Variants in SNAP23 observed in about 807,000 individuals in gnomAD.
The protein encoded by SNAP23 is synaptosomal-associated protein 23.
SNAP23 carries 11 observed loss-of-function variants against 29.0 expected under a neutral mutation model. That is an observed-to-expected ratio of 0.38 (90% CI 0.24 to 0.63). SNAP23 has a LOEUF of 0.63. Among genes scored for constraint, SNAP23 ranks in the 20% least tolerant of loss-of-function variants. The pLI, the probability that SNAP23 is intolerant of heterozygous loss-of-function variation, is 0.58. For missense variants in SNAP23, 220 were observed against 253.9 expected (o/e 0.87, Z 0.91); for synonymous variants, 60 against 82.9 (o/e 0.72, Z 1.50).
chr15:42,523,212 A>G (rs1250666186), intron 5 of SNAP23, among the ~76,000 whole-genome samples: 1 of 152,002 alleles, frequency 6.6e-6, no homozygotes, highest in Non-Finnish European at 1.5e-5. Flanking sequence ...AAAGACTATT[A>G]GACCACTCAG....
chr15:42,529,932 A>G, intron 7 of SNAP23, 113 bp downstream of exon 7: 1 of 1,158,698 alleles, frequency 8.6e-7, no homozygotes, highest in Non-Finnish European at 1.2e-6. Context: ...CTGTCCTCAT[A>G]GGTCTTAATT....
chr15:42,519,510 T>C (rs1037311531), intron 5 of SNAP23, among the ~76,000 whole-genome samples: 2 of 151,774 alleles, frequency 1.3e-5, no homozygotes, highest in African/African-American at 4.8e-5. Flanking sequence ...TAGCTGGGAT[T>C]AGAGGCATGC....
intron 4 of SNAP23, among the ~76,000 whole-genome samples, chr15:42,514,888 G>GA (rs901943241): frequency 1.1e-4 from 17 of 151,858 alleles, no homozygotes; most frequent in African/African-American, 4.1e-4. Flanking sequence ...TTTTAGTAGA[G>GA]ATGGGGTTTC....
At chr15:42,503,164 G>A (rs1321634214) in intron 1 of SNAP23, among the ~76,000 whole-genome samples, 1 of 152,056 alleles carries the variant, frequency 6.6e-6, no homozygotes, top group African/African-American at 2.4e-5. Context: ...TTGTGCTTCA[G>A]TGTACTTTGA....
At chr15:42,508,494 A>G (rs147082068) in intron 1 of SNAP23, among the ~76,000 whole-genome samples, 428 of 152,232 alleles carry the variant, frequency 2.8e-3, no homozygotes, top group African/African-American at 9.7e-3. Context: ...TAGCATGCCA[A>G]ACTTGGGAGT....
chr15:42,514,980 C>T (rs968347116), intron 4 of SNAP23, among the ~76,000 whole-genome samples: 3 of 152,168 alleles, frequency 2.0e-5, no homozygotes, highest in African/African-American at 7.2e-5. Context: ...GGATCACAGG[C>T]GTGAGCCACC....
intron 3 of SNAP23, 45 bp downstream of exon 3, chr15:42,513,041 A>T: frequency 2.3e-6 from 3 of 1,333,074 alleles, no homozygotes; most frequent in Non-Finnish European, 3.2e-6. Flanking sequence ...AATTTATAGG[A>T]GCGATCCTAA....
In SNAP23 at chr15:42,528,438, G is replaced by C. The variant is rs755001142; in HGVS notation, c.425+18G>C. On this transcript the variant is annotated intron_variant, in intron 6 of 7. Transcript: ENST00000249647. ...ATTAAACGGTATGCCAACTCCTCCT[G>C]ATATTCCTGTACCTTTCTTAATGAA... The C allele has an allele frequency of 1.9e-6, 3 of 1,613,138 alleles. No individual in the cohort carries two copies. Among genetic ancestry groups the C allele is most frequent in the Non-Finnish European group, 2.5e-6 (3 of 1,179,262 alleles).
chr15:42,502,482 C>T (rs8037277), intron 1 of SNAP23, among the ~76,000 whole-genome samples: 7,243 of 152,152 alleles, frequency 0.048, 574 homozygotes, highest in African/African-American at 0.16. Flanking sequence ...GAGTTCAAGA[C>T]CAGCCTGGGC....
At chr15:42,518,215 A>G (rs1021340387) in intron 5 of SNAP23, among the ~76,000 whole-genome samples, 1 of 151,986 alleles carries the variant, frequency 6.6e-6, no homozygotes, top group Non-Finnish European at 1.5e-5. Context: ...CTCTGTTCCT[A>G]TCATTCTTGC....
chr15:42,525,338 A>G (rs1303030196), intron 5 of SNAP23, among the ~76,000 whole-genome samples: 1 of 144,310 alleles, frequency 6.9e-6, no homozygotes. Flanking sequence ...ACTGCACTCC[A>G]GCCTGGGCGA....
chr15:42,521,388 C>A (rs2057447912), intron 5 of SNAP23: 3 of 922,444 alleles, frequency 3.3e-6, no homozygotes, highest in Non-Finnish European at 3.9e-6. Context: ...ACCCAAAATT[C>A]TGAGGAAAAA....
Position 42,528,369 on chromosome 15 carries a change from G to A in SNAP23, c.374G>A (p.Gly125Asp). The change falls in exon 6 of 8, where the codon GGT becomes GAT. Residue 125 changes from glycine (G) to aspartate (D), a missense_variant. By Grantham distance (94) the Gly-to-Asp change is moderately conservative. Coordinates refer to ENST00000249647, the MANE Select transcript of SNAP23 (RefSeq NM_003825.4). Reference sequence around the variant, plus strand: ...AAACAGCCAGGCCCGGTGACAAATGGTCAGCTTCAGCAACCAACAACGGGA... The same window carrying A: ...AAACAGCCAGGCCCGGTGACAAATGATCAGCTTCAGCAACCAACAACGGGA... ...VSKQPGPVTN[G>D]QLQQPTTGAA... 6.2e-7 allele frequency: 1 copy of A among 1,614,110 alleles called. No homozygotes were observed. Among genetic ancestry groups the A allele is most frequent in the Non-Finnish European group, 8.5e-7 (1 of 1,180,008 alleles).
chr15:42,513,208 G>A (rs777872404), intron 3 of SNAP23, 191 bp from the exon 4 acceptor site: 5 of 746,360 alleles, frequency 6.7e-6, no homozygotes, highest in Non-Finnish European at 7.2e-6. Context: ...AATTCACTAT[G>A]AGTTTGTGAC....
At chr15:42,500,295 A>G (rs1457930004) in intron 1 of SNAP23, among the ~76,000 whole-genome samples, 1 of 151,604 alleles carries the variant, frequency 6.6e-6, no homozygotes, top group Non-Finnish European at 1.5e-5. Flanking sequence ...CTTATCTCCA[A>G]GAGTGCTGAA....
chr15:42,526,773 A>G (rs1197330810), intron 5 of SNAP23, among the ~76,000 whole-genome samples: 5 of 152,244 alleles, frequency 3.3e-5, no homozygotes, highest in Non-Finnish European at 7.4e-5. Flanking sequence ...ACTTTTCCGT[A>G]ACAGCCATTT....
chr15:42,505,849 C>T (rs957999736), intron 1 of SNAP23, among the ~76,000 whole-genome samples: 2 of 151,190 alleles, frequency 1.3e-5, no homozygotes, highest in African/African-American at 2.4e-5. Flanking sequence ...AGCCACCGCA[C>T]CTGGCCTCTT....
At chr15:42,500,101 A>G (rs751623592) in intron 1 of SNAP23, among the ~76,000 whole-genome samples, 40 of 152,122 alleles carry the variant, frequency 2.6e-4, no homozygotes, top group Non-Finnish European at 5.0e-4. Flanking sequence ...TTAAAATAAC[A>G]AAAAGGAAAA....
At chr15:42,500,086 G>A (rs1301613888) in intron 1 of SNAP23, among the ~76,000 whole-genome samples, 4 of 152,190 alleles carry the variant, frequency 2.6e-5, no homozygotes, top group East Asian at 1.9e-4. Context: ...CAAGGCTCCT[G>A]TAGATTAAAA....
Sources: gnomAD v4.1 joint callset for allele counts (sites outside exome capture counted in the v4.1 genomes callset) on GRCh38, gnomAD v4.1.1 for gene constraint, MANE v1.5 for transcripts, NCBI Gene and HGNC (gene_info 2026-07-23, HGNC 2026-07-21) for gene names.